XKR6: variants seen among roughly 807,000 people sequenced by gnomAD.
XKR6 encodes the protein XK-related protein 6.
XKR6 carries 22 observed loss-of-function variants against 56.7 expected under a neutral mutation model. The observed-to-expected ratio is 0.39, with a 90% CI of 0.28 to 0.55. The LOEUF (loss-of-function observed/expected upper bound fraction) is 0.55. Among genes scored for constraint, XKR6 ranks in the 20% least tolerant of loss-of-function variants. The probability of loss-of-function intolerance (pLI) is 0.66; values close to 1 mark genes in which losing one functional copy is unlikely to be tolerated. For synonymous variants in XKR6, 524 were observed against 387.8 expected, an observed-to-expected ratio of 1.35 and a Z score of -4.13; for missense variants, 852 against 889.0, an observed-to-expected ratio of 0.96 and a Z score of 0.53.
At chr8:10,944,274 A>C (rs1251031503) in intron 1 of XKR6, among the ~76,000 whole-genome samples, 1 of 152,238 alleles carries the variant, frequency 6.6e-6, no homozygotes, top group Non-Finnish European at 1.5e-5. Flanking sequence ...CAAGGGCAGC[A>C]GCTAAATTCA....
chr8:11,139,125 T>G (rs17152919), intron 1 of XKR6, among the ~76,000 whole-genome samples: 1,543 of 152,302 alleles, frequency 0.01, 28 homozygotes, highest in African/African-American at 0.036. Flanking sequence ...TTACAAAGCT[T>G]TAACAGGCAA....
intron 1 of XKR6, among the ~76,000 whole-genome samples, chr8:11,005,723 A>G (rs1798352401): frequency 6.6e-6 from 1 of 152,142 alleles, no homozygotes; most frequent in Non-Finnish European, 1.5e-5. Context: ...TAGGAATCAA[A>G]TTTAAACAGT....
intron 1 of XKR6, among the ~76,000 whole-genome samples, chr8:11,091,211 G>A (rs573344174): frequency 2.0e-5 from 3 of 152,252 alleles, no homozygotes; most frequent in African/African-American, 4.8e-5. Context: ...TGGGAGGATC[G>A]CTTGAGTCCA....
At chr8:11,179,284 C>A (rs964105785) in intron 1 of XKR6, among the ~76,000 whole-genome samples, 1 of 152,150 alleles carries the variant, frequency 6.6e-6, no homozygotes, top group African/African-American at 2.4e-5. Flanking sequence ...CACGTAGATT[C>A]CTTTAGGTAA....
At chr8:10,963,121 A>C (rs1802114154) in intron 1 of XKR6, among the ~76,000 whole-genome samples, 1 of 152,152 alleles carries the variant, frequency 6.6e-6, no homozygotes, top group African/African-American at 2.4e-5. Context: ...CGGCGCTTCC[A>C]GGGGCAGCCA....
intron 2 of XKR6, 26 bp downstream of exon 2, chr8:10,924,608 G>A (rs1186765510): frequency 6.3e-6 from 10 of 1,586,036 alleles, no homozygotes; most frequent in Non-Finnish European, 8.6e-6. Context: ...GGCCGGGGTG[G>A]CGGGGCGCGG....
chr8:11,157,665 G>A (rs1037240975), intron 1 of XKR6, among the ~76,000 whole-genome samples: 20 of 152,110 alleles, frequency 1.3e-4, no homozygotes, highest in Admixed American at 6.5e-4. Context: ...ATAGGTGCAT[G>A]CCACCATACA....
intron 1 of XKR6, among the ~76,000 whole-genome samples, chr8:10,943,352 G>A (rs2129124292): frequency 6.6e-6 from 1 of 152,222 alleles, no homozygotes; most frequent in African/African-American, 2.4e-5. Flanking sequence ...AACCTGGGTG[G>A]CCTCCATTGC....
intron 1 of XKR6, among the ~76,000 whole-genome samples, chr8:11,166,661 C>T (rs1031543036): frequency 3.3e-5 from 5 of 152,102 alleles, no homozygotes; most frequent in African/African-American, 9.7e-5. Context: ...CAACCTCTGC[C>T]TCCTAGGTTC....
At chr8:11,190,950 C>G (rs74808912) in intron 1 of XKR6, among the ~76,000 whole-genome samples, 3 of 152,136 alleles carry the variant, frequency 2.0e-5, no homozygotes, top group African/African-American at 7.2e-5. Context: ...AATTTCTCTA[C>G]GCCTCCTCCA....
At chr8:10,942,865 T>C (rs1801427215) in intron 1 of XKR6, among the ~76,000 whole-genome samples, 1 of 152,256 alleles carries the variant, frequency 6.6e-6, no homozygotes, top group South Asian at 2.1e-4. Flanking sequence ...CATTGCAAGA[T>C]CGCATTCTTG....
At chr8:11,020,389 T>C (rs1226242194) in intron 1 of XKR6, among the ~76,000 whole-genome samples, 2 of 152,226 alleles carry the variant, frequency 1.3e-5, no homozygotes, top group African/African-American at 2.4e-5. Flanking sequence ...AGTAATTCAT[T>C]TGACAAATAA....
intron 1 of XKR6, among the ~76,000 whole-genome samples, chr8:11,042,330 G>C (rs1435975047): frequency 6.6e-6 from 1 of 151,810 alleles, no homozygotes; most frequent in African/African-American, 2.4e-5. Context: ...TTGAACTGTA[G>C]CTCCCATAAT....
At chr8:11,106,080 A>C (rs377744938) in intron 1 of XKR6, 2 of 152,164 alleles carry the variant, frequency 1.3e-5, no homozygotes, top group African/African-American at 4.8e-5. Context: ...TACATAAAGG[A>C]AAAATTTTAG....
intron 1 of XKR6, among the ~76,000 whole-genome samples, chr8:11,069,397 A>G (rs1244462733): frequency 6.6e-6 from 1 of 151,912 alleles, no homozygotes; most frequent in East Asian, 2.0e-4. Context: ...CTCCACCCAC[A>G]GTATCTCTCC....
chr8:10,922,499 C>T (rs767444560), intron 2 of XKR6, among the ~76,000 whole-genome samples: 3 of 152,244 alleles, frequency 2.0e-5, no homozygotes, highest in East Asian at 1.9e-4. Flanking sequence ...AGCAAGAATG[C>T]GCATTTCAAA....
intron 2 of XKR6, among the ~76,000 whole-genome samples, chr8:10,911,878 G>C (rs934392173): frequency 1.3e-5 from 2 of 149,922 alleles, no homozygotes; most frequent in African/African-American, 4.9e-5. Context: ...ATATATAGAA[G>C]GTGTGTATAT....
intron 1 of XKR6, among the ~76,000 whole-genome samples, chr8:11,148,846 G>GA (rs1801125155): frequency 6.6e-6 from 1 of 152,156 alleles, no homozygotes; most frequent in African/African-American, 2.4e-5. Flanking sequence ...CAATAAAAAG[G>GA]AAAGAACTAT....
At chr8:11,166,439 C>A (rs141743738) in intron 1 of XKR6, among the ~76,000 whole-genome samples, 1 of 151,920 alleles carries the variant, frequency 6.6e-6, no homozygotes, top group Non-Finnish European at 1.5e-5. Context: ...GATAAAGGGC[C>A]GTTGCTTATA....
Sources: allele counts gnomAD v4.1 joint callset (sites outside exome capture counted in the v4.1 genomes callset), GRCh38; gene constraint gnomAD v4.1.1; transcripts MANE v1.5; gene names NCBI Gene and HGNC (gene_info 2026-07-23, HGNC 2026-07-21).